ACOT1: variants seen among roughly 807,000 people sequenced by gnomAD.
ACOT1 encodes the protein acyl-coenzyme A thioesterase 1.
A neutral mutation model predicts 15.7 loss-of-function variants in ACOT1; 8 were observed. The observed-to-expected ratio is 0.51, with a 90% CI of 0.30 to 0.92. The LOEUF (loss-of-function observed/expected upper bound fraction) is 0.92, where lower values mean the gene tolerates loss of function less well. ACOT1 is among the 40% of genes least tolerant of loss of function. ACOT1 has a pLI of 0.06. For missense variants in ACOT1, 151 were observed against 539.4 expected, an observed-to-expected ratio of 0.28 and a Z score of 7.13; for synonymous variants, 67 against 241.2, an observed-to-expected ratio of 0.28 and a Z score of 6.69.
At chr14:73,529,819 TA>T in the ACOT1 span, among the ~76,000 whole-genome samples, 2 of 151,320 alleles carry the variant, frequency 1.3e-5, no homozygotes, top group African/African-American at 4.8e-5. Flanking sequence ...TAAAAAGCAA[TA>T]AGCCTTAGTA....
chr14:73,511,240 C>T, the ACOT1 span, among the ~76,000 whole-genome samples: 7 of 151,992 alleles, frequency 4.6e-5, no homozygotes, highest in Admixed American at 4.6e-4. Context: ...TTGTCAGGTG[C>T]GGTGGCTCAT....
the ACOT1 span, chr14:73,523,040 T>A: frequency 6.2e-7 from 1 of 1,614,174 alleles, no homozygotes; most frequent in Non-Finnish European, 8.5e-7. Flanking sequence ...GGCACACTCC[T>A]CCTTGCCTTT....
rs57839054 is a variant in ACOT1 at position 73,542,403 on chromosome 14, C to CTT, written c.661-629_661-628dup. On this transcript the variant is annotated intron_variant, in intron 2 of 2. Coordinates refer to ENST00000311148, the MANE Select transcript of ACOT1 (RefSeq NM_001037161.2). ...TTAAATTCCAGTATGTTTTTTCTTT[C>CTT]TTTTTTTTTTTTTTTTTTTAAGACG... Among the ~76,000 whole-genome samples, 14 of 83,466 alleles carry CTT rather than the reference C, an allele frequency of 1.7e-4. 2 individuals are homozygous for CTT. The highest frequency in any genetic ancestry group is 2.0e-4 in the African/African-American group (5 of 24,610). The allele number at this position is 83,466 out of a possible 152,430, so 54.8% of individuals were successfully genotyped here.
the ACOT1 span, among the ~76,000 whole-genome samples, chr14:73,494,763 G>A: frequency 6.6e-6 from 1 of 152,182 alleles, no homozygotes; most frequent in East Asian, 1.9e-4. Context: ...GTCTTGCTAT[G>A]TTGCCCAGAC....
chr14:73,540,656 G>A (rs1404183287), intron 1 of ACOT1, among the ~76,000 whole-genome samples: 1 of 119,354 alleles, frequency 8.4e-6, no homozygotes, highest in Non-Finnish European at 1.8e-5. Flanking sequence ...AGAGGAAAGG[G>A]CACAGGGGTC....
chr14:73,504,323 A>G, the ACOT1 span, among the ~76,000 whole-genome samples: 1 of 151,150 alleles, frequency 6.6e-6, no homozygotes, highest in Admixed American at 6.6e-5. Context: ...ACTCACTGCA[A>G]CCTCCACCTC....
At chr14:73,514,265 A>AC in the ACOT1 span, 1 of 1,595,734 alleles carries the variant, frequency 6.3e-7, no homozygotes, top group African/African-American at 1.3e-5. Context: ...AGGTCTTTTC[A>AC]CCCCACTGCC....
chr14:73,502,909 C>A, the ACOT1 span: 1 of 1,612,620 alleles, frequency 6.2e-7, no homozygotes, highest in Non-Finnish European at 8.5e-7. Flanking sequence ...TTATGTCGTG[C>A]ACCTCTTTCC....
the ACOT1 span, among the ~76,000 whole-genome samples, chr14:73,499,648 T>G: frequency 6.6e-6 from 1 of 152,182 alleles, no homozygotes. Flanking sequence ...CTGAATTATC[T>G]GCTATTGATT....
the ACOT1 span, chr14:73,522,680 C>T: frequency 7.2e-4 from 1,159 of 1,614,172 alleles, 10 homozygotes; most frequent in South Asian, 6.9e-3. Flanking sequence ...GGGTGCTTCC[C>T]GGACGGTGCT....
At chr14:73,496,682 GA>G in the ACOT1 span, 1 of 1,485,188 alleles carries the variant, frequency 6.7e-7, no homozygotes, top group Non-Finnish European at 9.4e-7. Context: ...ACATTTCTCT[GA>G]AAGATAAGAA....
chr14:73,496,724 TA>T, the ACOT1 span: 1 of 1,031,034 alleles, frequency 9.7e-7, no homozygotes, highest in Non-Finnish European at 1.5e-6. Flanking sequence ...CCCTGCCCTT[TA>T]AAAAAGTATG....
At chr14:73,509,892 G>A in the ACOT1 span, among the ~76,000 whole-genome samples, 2 of 126,724 alleles carry the variant, frequency 1.6e-5, no homozygotes, top group Non-Finnish European at 3.2e-5. Context: ...TATATTTTTT[G>A]AGACGGAGTC....
the ACOT1 span, chr14:73,506,525 C>T: frequency 1.2e-6 from 2 of 1,613,842 alleles, no homozygotes. Flanking sequence ...CCGGTTCTTC[C>T]ATTGACAGCT....
At chr14:73,498,103 G>T in the ACOT1 span, 1 of 1,509,118 alleles carries the variant, frequency 6.6e-7, no homozygotes, top group Non-Finnish European at 9.1e-7. Flanking sequence ...GAGCAAAGAT[G>T]TGAGAGTTGG....
At chr14:73,491,057 G>A in the ACOT1 span, 1 of 1,590,370 alleles carries the variant, frequency 6.3e-7, no homozygotes, top group South Asian at 1.1e-5. Context: ...GTTGAGGCGC[G>A]GGCGGCCGAA....
the ACOT1 span, among the ~76,000 whole-genome samples, chr14:73,514,677 A>C: frequency 1.3e-5 from 2 of 152,206 alleles, no homozygotes; most frequent in African/African-American, 4.8e-5. Flanking sequence ...TAGTGCTATA[A>C]GCTGTGAAAT....
the ACOT1 span, chr14:73,514,107 T>G: frequency 6.2e-7 from 1 of 1,614,202 alleles, no homozygotes; most frequent in Non-Finnish European, 8.5e-7. Context: ...CCTCCTGCAG[T>G]GATTTTGCCT....
the ACOT1 span, chr14:73,521,165 A>G: frequency 1.6e-4 from 127 of 789,224 alleles, no homozygotes; most frequent in Middle Eastern, 3.8e-4. Context: ...AGCATTGCAG[A>G]ACACCAATGT....
Sources: allele counts gnomAD v4.1 joint callset (sites outside exome capture counted in the v4.1 genomes callset), GRCh38; gene constraint gnomAD v4.1.1; transcripts MANE v1.5; gene names NCBI Gene and HGNC (gene_info 2026-07-23, HGNC 2026-07-21).